CD109: variants seen among roughly 807,000 people sequenced by gnomAD.
CD109 encodes the protein CD109 antigen.
Under a neutral mutation model 165.8 loss-of-function variants are expected in CD109, and 149 were observed. The observed-to-expected ratio is 0.90, with a 90% CI of 0.79 to 1.03. The LOEUF (loss-of-function observed/expected upper bound fraction) is 1.03, where lower values mean the gene tolerates loss of function less well. CD109 is among the 50% of genes least tolerant of loss of function. CD109 has a pLI of 0.00. For synonymous variants in CD109, 585 were observed against 592.1 expected (o/e 0.99, Z 0.18); for missense variants, 1,712 against 1,677.8 (o/e 1.02, Z -0.36).
At chr6:73,712,541 C>T (rs376462412) in intron 2 of CD109, among the ~76,000 whole-genome samples, 215 of 152,072 alleles carry the variant, frequency 1.4e-3, no homozygotes, top group African/African-American at 5.0e-3. Flanking sequence ...TCCTTCCCTT[C>T]AATGATTTTC....
At chr6:73,808,475 G>C (rs370287139) in intron 26 of CD109, among the ~76,000 whole-genome samples, 70 of 152,118 alleles carry the variant, frequency 4.6e-4, no homozygotes, top group African/African-American at 1.7e-3. Context: ...TTAGATATGT[G>C]ATGCCCTATG....
At chr6:73,723,326 G>T in intron 3 of CD109, 47 bp downstream of exon 3, 1 of 1,321,058 alleles carries the variant, frequency 7.6e-7, no homozygotes, top group Non-Finnish European at 1.1e-6. Flanking sequence ...TATTGTATCA[G>T]TGAACTAAAT....
intron 30 of CD109, among the ~76,000 whole-genome samples, chr6:73,816,210 A>G (rs1775932453): frequency 6.6e-6 from 1 of 152,186 alleles, no homozygotes; most frequent in African/African-American, 2.4e-5. Context: ...GGCCAGCAGC[A>G]AGGGGATATC....
intron 2 of CD109, among the ~76,000 whole-genome samples, chr6:73,704,861 A>T (rs896631696): frequency 1.7e-4 from 26 of 152,150 alleles, no homozygotes; most frequent in African/African-American, 6.0e-4. Flanking sequence ...AGGAGTTTTT[A>T]TTTTTTGTAT....
chr6:73,818,257 G>A, intron 30 of CD109, 131 bp from the exon 31 acceptor site: 1 of 875,752 alleles, frequency 1.1e-6, no homozygotes, highest in Admixed American at 2.7e-5. Context: ...ATTCTCTATA[G>A]GGAATTTTAT....
Position 73,823,458 on chromosome 6 carries a change from G to C in CD109, c.4163G>C (p.Arg1388Thr), listed in dbSNP as rs201605499. 6.2e-7 allele frequency: 1 copy of C among 1,601,576 alleles called. No homozygotes were observed. The highest frequency in any genetic ancestry group is 1.3e-5 in the African/African-American group (1 of 74,828). ...SVSIVDYYEP[R>T]RQAVRSYNSE... The stretch of plus-strand genomic sequence containing the variant: ...AACTGATGTCTGCTTCTTTGAACAG[G>C]GAGACAGGCGGTGAGAAGTTACAAC... The change falls in exon 33 of 33, where the codon AGG becomes ACG. Residue 1388 changes from arginine (R) to threonine (T), a missense_variant and splice_region_variant. By Grantham distance (71) the Arg-to-Thr change is moderately conservative. Coordinates refer to ENST00000287097, the MANE Select transcript of CD109 (RefSeq NM_133493.5).
chr6:73,682,333 C>T, the CD109 span, among the ~76,000 whole-genome samples: 72 of 152,264 alleles, frequency 4.7e-4, no homozygotes, highest in East Asian at 4.6e-3. Flanking sequence ...AGGGGCTACA[C>T]GTCCCATGCA....
intron 5 of CD109, among the ~76,000 whole-genome samples, 161 bp downstream of exon 5, chr6:73,736,669 GTTTA>G: frequency 6.6e-6 from 1 of 152,194 alleles, no homozygotes; most frequent in Admixed American, 6.5e-5. Context: ...TTTATCAAGG[GTTTA>G]TTTAGCTTTC....
chr6:73,779,272 G>A (rs1167033294), intron 15 of CD109, among the ~76,000 whole-genome samples: 1 of 141,474 alleles, frequency 7.1e-6, no homozygotes, highest in East Asian at 2.1e-4. Context: ...TTTTTGAGAC[G>A]GAGTCTTGCT....
At chr6:73,762,545 A>T (rs1773676157) in intron 8 of CD109, 65 bp downstream of exon 8, 3 of 1,161,726 alleles carry the variant, frequency 2.6e-6, no homozygotes, top group Admixed American at 4.2e-5. Flanking sequence ...TAGAAATAAG[A>T]TTTAGTACTG....
chr6:73,699,441 A>G (rs1365801082), intron 2 of CD109, among the ~76,000 whole-genome samples: 4 of 152,214 alleles, frequency 2.6e-5, no homozygotes, highest in African/African-American at 9.6e-5. Flanking sequence ...CAGAATATAT[A>G]TGGATGTTTT....
Position 73,780,400 on chromosome 6 carries a change from C to T in CD109, c.1828-24C>T, listed in dbSNP as rs180824158. The stretch of plus-strand genomic sequence containing the variant: ...GAAAGTTGTTATGAATCCATTCATT[C>T]CGTATATTTTATCTTCTCCTTAGGT... On this transcript the variant is annotated intron_variant, in intron 15 of 32. Transcript: ENST00000287097. The T allele has an allele frequency of 1.8e-4, 244 of 1,358,056 alleles. No homozygotes were observed. The African/African-American group carries it at 2.2e-3, about 13-fold the overall frequency. The allele number at this position is 1,358,056 out of a possible 1,614,324, so 84.1% of individuals were successfully genotyped here. A position where few individuals can be genotyped will look rare whatever the true frequency, so the allele number is the denominator to read the frequency against.
rs764407797 is a variant in CD109 at position 73,815,031 on chromosome 6, A to G, written c.3819A>G (p.Arg1273=). Residue 1273 remains arginine, a synonymous_variant, in exon 30 of 33, where the codon AGA becomes AGG. Coordinates refer to ENST00000287097, the MANE Select transcript of CD109 (RefSeq NM_133493.5). ...VKASGSSRRR[R]SIQNQEAFDL... is the part of the protein sequence containing the mutation. Reference sequence around the variant, plus strand: ...CTTCTGGGTCTTCTAGAAGACGAAGATCTATCCAAAATCAAGAAGCCTTTG... The same window carrying G: ...CTTCTGGGTCTTCTAGAAGACGAAGGTCTATCCAAAATCAAGAAGCCTTTG... 1.3e-6 allele frequency: 2 copies of G among 1,586,548 alleles called. No homozygotes were observed. Among genetic ancestry groups the G allele is most frequent in the Non-Finnish European group, 1.7e-6 (2 of 1,171,186 alleles).
upstream of CD109, chr6:73,696,048 G>C: frequency 9.4e-6 from 6 of 639,048 alleles, no homozygotes; most frequent in Non-Finnish European, 1.4e-5. Context: ...GAGCCTCCAA[G>C]TCCTGTCTCA....
At chr6:73,737,296 G>T (rs76169786) in intron 5 of CD109, among the ~76,000 whole-genome samples, 9,657 of 152,256 alleles carry the variant, frequency 0.063, 403 homozygotes, top group Non-Finnish European at 0.088. Context: ...AAGCATTGTT[G>T]CTGAGCCTTG....
At position 73,766,934 on chromosome 6, in the gene CD109, AG is replaced by A. The variant is rs751511858; in HGVS notation, c.1435-12del. ...GCTTTTGATATGTACATATTAATTA[AG>A]GTTTTTTTCTAGGTGGGATCGCCTT... On this transcript the variant is annotated splice_polypyrimidine_tract_variant and intron_variant, in intron 12 of 32. Coordinates refer to ENST00000287097, the MANE Select transcript of CD109 (RefSeq NM_133493.5). 4 of 1,610,036 alleles carry A rather than the reference AG, an allele frequency of 2.5e-6. No individual in the cohort carries two copies. The highest frequency in any genetic ancestry group is 3.4e-6 in the Non-Finnish European group (4 of 1,176,522).
At chr6:73,810,893 G>T in intron 27 of CD109, 99 bp from the exon 28 acceptor site, 1 of 1,167,132 alleles carries the variant, frequency 8.6e-7, no homozygotes, top group Admixed American at 2.2e-5. Context: ...CACTCTGAAG[G>T]AAGGTGTATG....
intron 15 of CD109, among the ~76,000 whole-genome samples, chr6:73,778,594 T>A (rs1369744844): frequency 6.6e-6 from 1 of 152,204 alleles, no homozygotes; most frequent in Non-Finnish European, 1.5e-5. Context: ...AACTCTAGCC[T>A]TTTCTCTCCA....
At position 73,771,561 on chromosome 6, in the gene CD109, A is replaced by G. The variant is rs748605153; in HGVS notation, c.1807A>G (p.Asn603Asp). The G allele has an allele frequency of 3.8e-6, 6 of 1,592,754 alleles. No individual in the cohort carries two copies. The highest frequency in any genetic ancestry group is 1.4e-5 in the African/African-American group (1 of 73,962). The change falls in exon 15 of 33, where the codon AAT (asparagine) becomes GAT (aspartate). Residue 603 changes from asparagine (N) to aspartate (D), a missense_variant. Physicochemically the swap from Asn to Asp is conservative, Grantham distance 23 (BLOSUM62 1). Transcript: ENST00000287097. ...AAGTGTGAATCTGATGAATGCCTCT[A>G]ATGATATTACAATGGAAAATGTGAG... ...DKSVNLMNAS[N>D]DITMENVVHE...
Sources: gnomAD v4.1 joint callset for allele counts (sites outside exome capture counted in the v4.1 genomes callset) on GRCh38, gnomAD v4.1.1 for gene constraint, MANE v1.5 for transcripts, NCBI Gene and HGNC (gene_info 2026-07-23, HGNC 2026-07-21) for gene names.